NFAM1: variants seen among roughly 807,000 people sequenced by gnomAD.
The protein encoded by NFAM1 is NFAT activating protein with ITAM motif 1.
NFAM1 carries 17 observed loss-of-function variants against 29.0 expected under a neutral mutation model. The observed-to-expected ratio is 0.59, with a 90% CI of 0.40 to 0.88. The LOEUF (loss-of-function observed/expected upper bound fraction) is 0.88. Among genes scored for constraint, NFAM1 ranks in the 40% least tolerant of loss-of-function variants. The pLI, the probability that NFAM1 is intolerant of heterozygous loss-of-function variation, is 0.00. For missense variants in NFAM1, 324 were observed against 344.6 expected, an observed-to-expected ratio of 0.94 and a Z score of 0.47; for synonymous variants, 175 against 147.2, an observed-to-expected ratio of 1.19 and a Z score of -1.36.
intron 1 of NFAM1, among the ~76,000 whole-genome samples, chr22:42,415,039 A>G (rs188811984): frequency 1.3e-5 from 2 of 152,312 alleles, no homozygotes; most frequent in East Asian, 1.9e-4. Flanking sequence ...GCTCTGGCTT[A>G]GATCAGCCAC....
At chr22:42,412,182 A>G (rs2147109377) in intron 1 of NFAM1, among the ~76,000 whole-genome samples, 1 of 152,198 alleles carries the variant, frequency 6.6e-6, no homozygotes. Flanking sequence ...CAGTGAGCAG[A>G]GATCATGCCA....
At chr22:42,390,385 C>CT (rs2147091431) in intron 4 of NFAM1, among the ~76,000 whole-genome samples, 1 of 152,166 alleles carries the variant, frequency 6.6e-6, no homozygotes, top group African/African-American at 2.4e-5. Flanking sequence ...AAAAGGTAGC[C>CT]ATGAAGGCAC....
intron 1 of NFAM1, among the ~76,000 whole-genome samples, chr22:42,417,564 G>C (rs1376779855): frequency 1.3e-5 from 2 of 152,170 alleles, no homozygotes; most frequent in African/African-American, 4.8e-5. Flanking sequence ...GTGGAGAGCG[G>C]GGCCTGGAGG....
chr22:42,397,320 G>C (rs950544554), intron 4 of NFAM1, among the ~76,000 whole-genome samples: 1 of 152,184 alleles, frequency 6.6e-6, no homozygotes, highest in Admixed American at 6.5e-5. Flanking sequence ...CAACACAGCA[G>C]AGAGTGGAAC....
At position 42,384,799 on chromosome 22, in the gene NFAM1, G is replaced by A; in HGVS notation, c.*362C>T. The A allele has an allele frequency of 3.0e-6, 1 of 331,642 alleles. No individual in the cohort carries two copies. Among genetic ancestry groups the A allele is most frequent in the Non-Finnish European group, 5.8e-6 (1 of 173,812 alleles). 20.5% of individuals were successfully genotyped at this position (331,642 alleles called of 1,614,324 possible). A position where few individuals can be genotyped will look rare whatever the true frequency, so the allele number is the denominator to read the frequency against. The stretch of plus-strand genomic sequence containing the variant: ...TGCCCTACTGGCTGAGGTGCAGGCT[G>A]GTGCCAAGAGAGCATGCTGCTCTGT... On this transcript the variant is annotated 3_prime_UTR_variant, in exon 6 of 6. Transcript: ENST00000329021.
In NFAM1 at chr22:42,426,637, T is replaced by A. The variant is rs11705087; in HGVS notation, c.121+5600A>T. On this transcript the variant is annotated intron_variant, in intron 1 of 5. Coordinates refer to ENST00000329021, the MANE Select transcript of NFAM1 (RefSeq NM_145912.8). ...GGCGCCATCAGGGCTCTGGCCTGAG[T>A]GCACCCTGGGACAGTGAATCACCCC... 1.2e-3 allele frequency among the ~76,000 whole-genome samples: 180 copies of A among 152,226 alleles called. 1 individual carries two copies. The highest frequency in any genetic ancestry group is 2.1e-3 in the South Asian group (10 of 4,824).
At chr22:42,428,504 C>T (rs760199858) in intron 1 of NFAM1, among the ~76,000 whole-genome samples, 2 of 152,116 alleles carry the variant, frequency 1.3e-5, no homozygotes, top group African/African-American at 2.4e-5. Flanking sequence ...TTCAGTGGCA[C>T]GATCTCAGCT....
rs11090091 is a variant in NFAM1 at position 42,381,656 on chromosome 22, C to T, written c.*3505G>A. ...CCACTCAGGACTGCTCACATCCGTC[C>T]GTCCTGGAAGGTCCACAGCTCCCCT... On this transcript the variant is annotated 3_prime_UTR_variant, in exon 6 of 6. Coordinates refer to ENST00000329021, the MANE Select transcript of NFAM1 (RefSeq NM_145912.8). The T allele has an allele frequency of 0.54, 83,137 of 152,730 alleles. 25,043 individuals are homozygous for T. The highest frequency in any genetic ancestry group is 0.82 in the African/African-American group (34,040 of 41,490). 9.5% of individuals were successfully genotyped at this position (152,730 alleles called of 1,614,324 possible).
intron 3 of NFAM1, among the ~76,000 whole-genome samples, chr22:42,405,974 G>A (rs565316065): frequency 4.6e-5 from 7 of 152,114 alleles, no homozygotes; most frequent in African/African-American, 1.2e-4. Context: ...TGCTTTTTTC[G>A]TACCTCAGAG....
rs34963472 is a variant in NFAM1, at chr22:42,387,064, G to T, written c.678C>A (p.Arg226=). 1 of 1,578,402 alleles carries T rather than the reference G, an allele frequency of 6.3e-7. No homozygotes were observed. Among genetic ancestry groups the T allele is most frequent in the African/African-American group, 1.4e-5 (1 of 72,764 alleles). ...CGATGCAGGCATAGACCTCGGTCTC[G>T]CGGCGCTGCAGAGCCTACAGGAAAC... ...SESVYTALQR[R]ETEVYACIEN... Residue 226 remains arginine (R), a synonymous_variant, in exon 5 of 6, where the codon CGC becomes CGA. Transcript: ENST00000329021.
At chr22:42,422,043 G>A (rs370532311) in intron 1 of NFAM1, among the ~76,000 whole-genome samples, 2 of 152,138 alleles carry the variant, frequency 1.3e-5, no homozygotes, top group African/African-American at 2.4e-5. Flanking sequence ...AGACTATTTC[G>A]GAGCTTTTAG....
chr22:42,407,903 C>CTTTT (rs61407898), intron 3 of NFAM1, among the ~76,000 whole-genome samples: 8 of 103,286 alleles, frequency 7.7e-5, no homozygotes, highest in Admixed American at 1.0e-4. Context: ...ACAGATTTCT[C>CTTTT]TTTTTTTTTT....
intron 1 of NFAM1, among the ~76,000 whole-genome samples, chr22:42,415,577 G>A (rs900604664): frequency 2.0e-5 from 3 of 152,090 alleles, no homozygotes; most frequent in Non-Finnish European, 4.4e-5. Flanking sequence ...GGGATTACAG[G>A]CGTGAGCCAC....
intron 3 of NFAM1, among the ~76,000 whole-genome samples, chr22:42,403,096 C>G (rs1434405471): frequency 1.3e-5 from 2 of 151,802 alleles, no homozygotes; most frequent in Non-Finnish European, 2.9e-5. Context: ...CTCGGACTCC[C>G]AAAGTGTTGG....
intron 3 of NFAM1, among the ~76,000 whole-genome samples, chr22:42,408,157 G>A (rs1338256604): frequency 1.3e-5 from 2 of 152,126 alleles, no homozygotes; most frequent in African/African-American, 4.8e-5. Flanking sequence ...GCCTCCCAAA[G>A]TGCTGGTATT....
intron 5 of NFAM1, among the ~76,000 whole-genome samples, chr22:42,386,647 T>C (rs554278703): frequency 7.2e-5 from 11 of 152,266 alleles, no homozygotes; most frequent in Non-Finnish European, 1.5e-4. Flanking sequence ...CAGTGGCTCA[T>C]AGTGCATGGG....
intron 1 of NFAM1, among the ~76,000 whole-genome samples, chr22:42,425,746 ACT>A (rs1454304089): frequency 1.3e-5 from 2 of 151,996 alleles, no homozygotes; most frequent in African/African-American, 4.8e-5. Flanking sequence ...GAGCCCGCGT[ACT>A]CTCTCTGCAC....
chr22:42,417,604 G>C (rs1231686470), intron 1 of NFAM1, among the ~76,000 whole-genome samples: 1 of 152,216 alleles, frequency 6.6e-6, no homozygotes, highest in Non-Finnish European at 1.5e-5. Flanking sequence ...TGAGGCTCAG[G>C]GAGGGCAGAG....
chr22:42,407,903 CTTTTTTTTT>C (rs61407898), intron 3 of NFAM1, among the ~76,000 whole-genome samples: 1 of 103,312 alleles, frequency 9.7e-6, no homozygotes, highest in Non-Finnish European at 1.9e-5. Context: ...ACAGATTTCT[CTTTTTTTTT>C]TTTTTTTTTT....
Sources: allele counts gnomAD v4.1 joint callset (sites outside exome capture counted in the v4.1 genomes callset), GRCh38; gene constraint gnomAD v4.1.1; transcripts MANE v1.5; gene names NCBI Gene and HGNC (gene_info 2026-07-23, HGNC 2026-07-21).